RORA: variants seen among roughly 807,000 people sequenced by gnomAD.
RORA encodes nuclear receptor ROR-alpha.
In RORA, 7 loss-of-function variants were observed where a neutral mutation model predicts 69.5. The observed-to-expected ratio is 0.10, with a 90% confidence interval of 0.06 to 0.19. RORA has a LOEUF of 0.19. Ranked by LOEUF, RORA falls within the 10% of genes least tolerant of loss-of-function variation. The pLI is 1.00. For synonymous variants in RORA, 261 were observed against 240.8 expected (o/e 1.08, Z -0.78); for missense variants, 457 against 663.0 (o/e 0.69, Z 3.41).
intron 1 of RORA, among the ~76,000 whole-genome samples, chr15:61,022,696 G>A (rs1455643479): frequency 1.3e-5 from 2 of 152,164 alleles, no homozygotes; most frequent in Admixed American, 1.3e-4. Context: ...TTGTGGCAAA[G>A]AGTGTACAGA....
In RORA at chr15:61,090,673, T is replaced by C. The variant is rs139368637; in HGVS notation, c.166+138380A>G. ...GATGACAGCAGCCAAAATCCATCTA[T>C]ACTGAAATGATTATGGAGCTCTAGA... On this transcript the variant is annotated intron_variant, in intron 1 of 10. Transcript: ENST00000335670. Among the ~76,000 whole-genome samples the C allele has an allele frequency of 8.2e-4, 125 of 152,292 alleles. 1 individual carries two copies. In the Middle Eastern group the frequency reaches 0.01, roughly 12 times the overall value.
intron 1 of RORA, among the ~76,000 whole-genome samples, chr15:61,055,258 G>T (rs1037057295): frequency 1.1e-4 from 17 of 152,094 alleles, no homozygotes; most frequent in Admixed American, 4.6e-4. Flanking sequence ...TTATTTTTTG[G>T]TGTAAAGCTT....
At chr15:60,768,157 CTCCA>C (rs1430999245) in intron 1 of RORA, among the ~76,000 whole-genome samples, 5 of 152,198 alleles carry the variant, frequency 3.3e-5, no homozygotes, top group African/African-American at 1.2e-4. Context: ...CTCGCTTATC[CTCCA>C]AACTTTTTGC....
chr15:60,968,413 C>T (rs779464230), intron 1 of RORA, among the ~76,000 whole-genome samples: 11 of 152,170 alleles, frequency 7.2e-5, no homozygotes, highest in Non-Finnish European at 1.2e-4. Context: ...AGAACATTTT[C>T]GTTTCTAACA....
intron 1 of RORA, among the ~76,000 whole-genome samples, chr15:60,682,939 C>T (rs113265739): frequency 2.0e-5 from 3 of 152,318 alleles, no homozygotes; most frequent in East Asian, 3.9e-4. Context: ...AAAGTGAACA[C>T]GGTGGATGAC....
At chr15:60,844,772 T>C (rs930979693) in intron 1 of RORA, among the ~76,000 whole-genome samples, 2 of 151,912 alleles carry the variant, frequency 1.3e-5, no homozygotes, top group South Asian at 2.1e-4. Context: ...AAAAAGGTGG[T>C]TTAATGCCTT....
At chr15:61,129,297 T>C (rs1255440791) in intron 1 of RORA, among the ~76,000 whole-genome samples, 1 of 152,180 alleles carries the variant, frequency 6.6e-6, no homozygotes, top group African/African-American at 2.4e-5. Flanking sequence ...CGATTTAAAA[T>C]GGCAATGTTT....
At chr15:60,850,200 T>C (rs779131076) in intron 1 of RORA, among the ~76,000 whole-genome samples, 19 of 152,082 alleles carry the variant, frequency 1.2e-4, no homozygotes, top group Non-Finnish European at 2.1e-4. Context: ...CTCACATGTT[T>C]AGGGTCGAAA....
intron 1 of RORA, among the ~76,000 whole-genome samples, chr15:60,986,138 T>C (rs1463204135): frequency 2.7e-5 from 4 of 149,032 alleles, no homozygotes; most frequent in Non-Finnish European, 4.5e-5. Flanking sequence ...TGATTTCTTC[T>C]TTTTTTTTTC....
intron 1 of RORA, among the ~76,000 whole-genome samples, chr15:61,142,147 GTT>G (rs11479734): frequency 0.52 from 78,893 of 151,254 alleles, 20,854 homozygotes; most frequent in South Asian, 0.59. Flanking sequence ...CATTTATAAA[GTT>G]TTTTTTTTTA....
rs147015090 is a variant in RORA at position 60,628,795 on chromosome 15, G to A, written c.196+49862C>T. On this transcript the variant is annotated intron_variant, in intron 2 of 10. Transcript: ENST00000335670. ...TCCACACAGCTGAATAATAAAAGAC[G>A]GTATGCACCCAAATGTCAAGTAAGG... Among the ~76,000 whole-genome samples the A allele has an allele frequency of 3.5e-3, 536 of 152,202 alleles. 1 individual carries two copies. The highest frequency in any genetic ancestry group is 0.017 in the East Asian group (89 of 5,184).
intron 1 of RORA, among the ~76,000 whole-genome samples, chr15:61,018,296 C>T (rs1895375443): frequency 6.6e-6 from 1 of 152,162 alleles, no homozygotes; most frequent in South Asian, 2.1e-4. Context: ...CTAGCTGTGA[C>T]TTGCTCTGTG....
chr15:60,973,089 T>C (rs1006879625), intron 1 of RORA, among the ~76,000 whole-genome samples: 2 of 152,066 alleles, frequency 1.3e-5, no homozygotes, highest in African/African-American at 4.8e-5. Flanking sequence ...AGAGGCAGTT[T>C]GGTCAGCAGG....
In RORA at chr15:60,924,091, C is replaced by T. The variant is rs193241000; in HGVS notation, c.167-245405G>A. On this transcript the variant is annotated intron_variant, in intron 1 of 10. Transcript: ENST00000335670. ...TGAAACTCACCTTGGCACTTGCTCT[C>T]CTCTCTCCTGCCCTCTATCCCATAC... 6.1e-3 allele frequency among the ~76,000 whole-genome samples: 935 copies of T among 152,270 alleles called. 3 individuals carry two copies. Among genetic ancestry groups the T allele is most frequent in the Middle Eastern group, 0.01 (3 of 294 alleles).
At chr15:60,653,400 G>A (rs2070174913) in intron 2 of RORA, among the ~76,000 whole-genome samples, 1 of 151,952 alleles carries the variant, frequency 6.6e-6, no homozygotes, top group African/African-American at 2.4e-5. Flanking sequence ...TGGCCAAAGT[G>A]AATATCAAGG....
chr15:60,952,339 G>T (rs1220397617), intron 1 of RORA, among the ~76,000 whole-genome samples: 35 of 148,468 alleles, frequency 2.4e-4, no homozygotes, highest in South Asian at 6.5e-4. Context: ...ATATCATACT[G>T]AATGGGCAAA....
At chr15:61,204,980 G>A (rs929863216) in intron 1 of RORA, among the ~76,000 whole-genome samples, 1 of 152,184 alleles carries the variant, frequency 6.6e-6, no homozygotes, top group Non-Finnish European at 1.5e-5. Context: ...AAACTTCAAT[G>A]TGCTGGTCGG....
intron 1 of RORA, among the ~76,000 whole-genome samples, chr15:61,201,518 G>C (rs2079895267): frequency 6.6e-6 from 1 of 152,178 alleles, no homozygotes; most frequent in Non-Finnish European, 1.5e-5. Flanking sequence ...TGGGTGATTT[G>C]CCTCGAGTCA....
intron 1 of RORA, among the ~76,000 whole-genome samples, chr15:61,158,913 C>T (rs936702576): frequency 2.0e-5 from 3 of 152,194 alleles, no homozygotes; most frequent in African/African-American, 7.2e-5. Context: ...TTCACATCTG[C>T]ACCTTTAACC....
Sources: gnomAD v4.1 joint callset for allele counts (sites outside exome capture counted in the v4.1 genomes callset) on GRCh38, gnomAD v4.1.1 for gene constraint, MANE v1.5 for transcripts, NCBI Gene and HGNC (gene_info 2026-07-23, HGNC 2026-07-21) for gene names.